The following C8A variants were observed in gnomAD, a reference collection of about 807,000 sequenced individuals.
The protein encoded by C8A is complement C8 alpha chain.
In C8A, 67 loss-of-function variants were observed where a neutral mutation model predicts 65.3. The ratio of observed to expected loss-of-function variants is 1.03; its 90% CI spans 0.84 to 1.26. C8A has a LOEUF of 1.26. C8A is among the 50% of genes most tolerant of loss of function. C8A has a pLI of 0.00. For synonymous variants in C8A, 290 were observed against 259.4 expected, an observed-to-expected ratio of 1.12 and a Z score of -1.13; for missense variants, 781 against 723.9, an observed-to-expected ratio of 1.08 and a Z score of -0.90.
At chr1:56,909,002 T>G (rs933830953) in intron 9 of C8A, among the ~76,000 whole-genome samples, 1 of 152,190 alleles carries the variant, frequency 6.6e-6, no homozygotes, top group Non-Finnish European at 1.5e-5. Context: ...GGCAGAGGCC[T>G]GGGATGCTGC....
intron 7 of C8A, among the ~76,000 whole-genome samples, chr1:56,886,545 C>T (rs578247841): frequency 6.6e-6 from 1 of 152,260 alleles, no homozygotes; most frequent in East Asian, 1.9e-4. Context: ...TAGAAACTTA[C>T]ATTCATCTCA....
At chr1:56,859,940 G>T (rs1644014733) in intron 1 of C8A, among the ~76,000 whole-genome samples, 1 of 152,164 alleles carries the variant, frequency 6.6e-6, no homozygotes, top group Admixed American at 6.5e-5. Flanking sequence ...GCACATGCCT[G>T]TAGTCCCAGC....
At chr1:56,874,866 T>C in intron 2 of C8A, 83 bp from the exon 3 acceptor site, 17 of 1,492,026 alleles carry the variant, frequency 1.1e-5, no homozygotes, top group Non-Finnish European at 1.4e-5. Context: ...ATTTCTTATG[T>C]TGAGCCGAAA....
chr1:56,862,896 T>C (rs573347330), intron 1 of C8A, among the ~76,000 whole-genome samples: 1 of 152,314 alleles, frequency 6.6e-6, no homozygotes, highest in South Asian at 2.1e-4. Context: ...TGGCAATATG[T>C]GCCATAAGCT....
At chr1:56,880,584 C>G (rs1194822308) in intron 4 of C8A, among the ~76,000 whole-genome samples, 1 of 152,068 alleles carries the variant, frequency 6.6e-6, no homozygotes, top group Non-Finnish European at 1.5e-5. Context: ...CTCCAATGTC[C>G]CATGCTGCCT....
At chr1:56,883,402 G>A in intron 5 of C8A, 79 bp from the exon 6 acceptor site, 3 of 1,281,156 alleles carry the variant, frequency 2.3e-6, no homozygotes, top group African/African-American at 1.5e-5. Flanking sequence ...ATTTTACAAA[G>A]CAAAGATTTA....
chr1:56,881,382 C>T, intron 4 of C8A, 63 bp from the exon 5 acceptor site: 5 of 1,528,798 alleles, frequency 3.3e-6, no homozygotes, highest in Non-Finnish European at 3.6e-6. Flanking sequence ...ACAGATCATC[C>T]CATCACCCAG....
chr1:56,879,593 A>G (rs1012568879), intron 4 of C8A, among the ~76,000 whole-genome samples: 6 of 152,214 alleles, frequency 3.9e-5, no homozygotes, highest in Non-Finnish European at 8.8e-5. Flanking sequence ...CCCAGATTTT[A>G]CTATCAACAA....
chr1:56,883,969 G>T (rs763109368), intron 6 of C8A, among the ~76,000 whole-genome samples: 7 of 151,478 alleles, frequency 4.6e-5, no homozygotes, highest in African/African-American at 1.5e-4. Flanking sequence ...GTGTAGAATG[G>T]TAATGTTTTA....
At position 56,854,854 on chromosome 1, in the gene C8A, A is replaced by T. The variant is rs1178934454; in HGVS notation, c.-48A>T. ...TCTTTTACTCCAATTTCCTGAATAG[A>T]TAGCTTTATTCCTTCAAGGTAATAT... On this transcript the variant is annotated 5_prime_UTR_variant, in exon 1 of 11. Transcript: ENST00000361249. 1 of 1,526,098 alleles carries T rather than the reference A, an allele frequency of 6.6e-7. No individual in the cohort carries two copies. Among genetic ancestry groups the T allele is most frequent in the Admixed American group, 1.7e-5 (1 of 58,048 alleles). The allele number at this position is 1,526,098 out of a possible 1,614,324, so 94.5% of individuals were successfully genotyped here. A position where few individuals can be genotyped will look rare whatever the true frequency, so the allele number is the denominator to read the frequency against.
intron 1 of C8A, among the ~76,000 whole-genome samples, chr1:56,866,946 C>T (rs1046119109): frequency 2.6e-5 from 4 of 152,148 alleles, no homozygotes; most frequent in Non-Finnish European, 4.4e-5. Flanking sequence ...CCAATTTTGC[C>T]TCTGTCATTC....
chr1:56,895,120 G>A (rs1644378886), intron 7 of C8A, among the ~76,000 whole-genome samples: 1 of 152,106 alleles, frequency 6.6e-6, no homozygotes, highest in South Asian at 2.1e-4. Context: ...GACTCACTTA[G>A]TATTGAACCT....
chr1:56,907,788 G>T (rs558093147), intron 8 of C8A, among the ~76,000 whole-genome samples, 168 bp from the exon 9 acceptor site: 1 of 152,088 alleles, frequency 6.6e-6, no homozygotes, highest in Non-Finnish European at 1.5e-5. Context: ...CTGAGTCTTG[G>T]TCCTTCCCTT....
rs968789678 is a variant in C8A at position 56,908,002 on chromosome 1, G to A, written c.1269G>A (p.Val423=). The A allele has an allele frequency of 1.2e-6, 2 of 1,614,094 alleles. No individual in the cohort carries two copies. Among genetic ancestry groups the A allele is most frequent in the Admixed American group, 1.7e-5 (1 of 60,014 alleles). ...CTGTGGAAGACATTATTTCTCGGGTGCGAGGTGGCAGTTCTGGCTGGAGCG... is the reference window on the plus strand; with the variant it reads ...CTGTGGAAGACATTATTTCTCGGGTACGAGGTGGCAGTTCTGGCTGGAGCG... The part of the protein sequence containing the change: ...AMAVEDIISR[V]RGGSSGWSGG... Residue 423 remains valine, a synonymous_variant, in exon 9 of 11, where the codon GTG becomes GTA. Transcript: ENST00000361249.
chr1:56,891,446 G>A (rs1034135265), intron 7 of C8A, among the ~76,000 whole-genome samples: 1 of 152,166 alleles, frequency 6.6e-6, no homozygotes, highest in African/African-American at 2.4e-5. Context: ...GTCATCAACA[G>A]GGCAGTGCTT....
At chr1:56,881,380 TC>T in intron 4 of C8A, 64 bp from the exon 5 acceptor site, 1 of 1,520,168 alleles carries the variant, frequency 6.6e-7, no homozygotes, top group East Asian at 2.3e-5. Flanking sequence ...ATACAGATCA[TC>T]CCATCACCCA....
intron 1 of C8A, among the ~76,000 whole-genome samples, chr1:56,856,501 A>G (rs944235205): frequency 6.6e-6 from 1 of 152,156 alleles, no homozygotes; most frequent in African/African-American, 2.4e-5. Context: ...CAGACAAAAC[A>G]AATTTATAAT....
chr1:56,904,686 GC>G (rs541799881), intron 7 of C8A, among the ~76,000 whole-genome samples: 131 of 152,232 alleles, frequency 8.6e-4, no homozygotes, highest in African/African-American at 3.2e-3. Context: ...TGAACCTCAG[GC>G]ATCTCAGCTA....
intron 1 of C8A, among the ~76,000 whole-genome samples, chr1:56,862,389 T>G (rs1350207286): frequency 6.6e-6 from 1 of 152,170 alleles, no homozygotes; most frequent in East Asian, 1.9e-4. Flanking sequence ...CTGTGTTTCC[T>G]CACAAAATTT....
Sources: gnomAD v4.1 joint callset for allele counts (sites outside exome capture counted in the v4.1 genomes callset) on GRCh38, gnomAD v4.1.1 for gene constraint, MANE v1.5 for transcripts, NCBI Gene and HGNC (gene_info 2026-07-23, HGNC 2026-07-21) for gene names.